The following SNAP91 variants were observed in gnomAD, a reference collection of about 807,000 sequenced individuals.
SNAP91 encodes the protein synaptosome associated protein 91.
Under a neutral mutation model 100.3 loss-of-function variants are expected in SNAP91, and 27 were observed. The observed-to-expected ratio is 0.27, with a 90% confidence interval of 0.20 to 0.37. The LOEUF is 0.37. Among genes scored for constraint, SNAP91 ranks in the 10% least tolerant of loss-of-function variants. The pLI, the probability that SNAP91 is intolerant of heterozygous loss-of-function variation, is 1.00. For synonymous variants in SNAP91, 404 were observed against 398.6 expected (o/e 1.01, Z -0.16); for missense variants, 986 against 1,123.7 (o/e 0.88, Z 1.75).
chr6:83,590,653 G>GA (rs1328182185), intron 22 of SNAP91, among the ~76,000 whole-genome samples: 1 of 151,986 alleles, frequency 6.6e-6, no homozygotes, highest in Non-Finnish European at 1.5e-5. Flanking sequence ...CATATATTAC[G>GA]AAATCTATTT....
intron 28 of SNAP91, among the ~76,000 whole-genome samples, chr6:83,559,785 A>G (rs1450864246): frequency 6.6e-6 from 1 of 152,236 alleles, no homozygotes; most frequent in African/African-American, 2.4e-5. Flanking sequence ...CGCTGGGAAC[A>G]CATACTAAAA....
chr6:83,688,504 C>CTT (rs1386310059), intron 2 of SNAP91, among the ~76,000 whole-genome samples: 2,284 of 131,284 alleles, frequency 0.017, 61 homozygotes, highest in East Asian at 0.048. Flanking sequence ...CCAAACATCA[C>CTT]TTTTTTTTTT....
intron 14 of SNAP91, among the ~76,000 whole-genome samples, chr6:83,604,715 G>A (rs1394121198): frequency 6.6e-6 from 1 of 152,120 alleles, no homozygotes; most frequent in African/African-American, 2.4e-5. Context: ...ATCTCTGTAT[G>A]GGAGAAAAGA....
At chr6:83,569,720 A>G (rs544418250) in intron 26 of SNAP91, among the ~76,000 whole-genome samples, 3 of 152,086 alleles carry the variant, frequency 2.0e-5, no homozygotes, top group Non-Finnish European at 4.4e-5. Context: ...TCATGGGGGC[A>G]GGTCTTTCCC....
At chr6:83,636,414 G>A (rs984435315) in intron 8 of SNAP91, among the ~76,000 whole-genome samples, 1 of 152,018 alleles carries the variant, frequency 6.6e-6, no homozygotes, top group African/African-American at 2.4e-5. Flanking sequence ...CAAAGGACTC[G>A]TCTTCAAGCT....
At chr6:83,584,803 C>T (rs977107139) in intron 22 of SNAP91, among the ~76,000 whole-genome samples, 2 of 151,998 alleles carry the variant, frequency 1.3e-5, no homozygotes, top group Admixed American at 6.6e-5. Context: ...AAGCAAATGG[C>T]AGATCCAGGA....
At chr6:83,573,305 CACAA>C (rs1554202247) in intron 26 of SNAP91, among the ~76,000 whole-genome samples, 1 of 152,026 alleles carries the variant, frequency 6.6e-6, no homozygotes, top group Non-Finnish European at 1.5e-5. Context: ...TGAAAGAGGA[CACAA>C]ACAAATGGAA....
At chr6:83,570,114 G>GGT (rs1804168427) in intron 26 of SNAP91, among the ~76,000 whole-genome samples, 1 of 152,058 alleles carries the variant, frequency 6.6e-6, no homozygotes, top group Admixed American at 6.6e-5. Flanking sequence ...TGTGGGCTGC[G>GGT]GTGGTCTCAG....
intron 8 of SNAP91, among the ~76,000 whole-genome samples, chr6:83,628,245 A>ATATATATC (rs2097047994): frequency 1.4e-5 from 2 of 138,072 alleles, no homozygotes; most frequent in Non-Finnish European, 3.2e-5. Flanking sequence ...ATATATATAT[A>ATATATATC]TCACAGTTTA....
intron 8 of SNAP91, among the ~76,000 whole-genome samples, chr6:83,627,230 G>A (rs781771445): frequency 1.3e-5 from 2 of 152,076 alleles, no homozygotes; most frequent in Non-Finnish European, 2.9e-5. Flanking sequence ...ACTTTTTGAT[G>A]TGCTGCTAGA....
At chr6:83,605,874 C>G in intron 13 of SNAP91, 71 bp from the exon 14 acceptor site, 1 of 1,200,186 alleles carries the variant, frequency 8.3e-7, no homozygotes, top group Non-Finnish European at 1.2e-6. Context: ...TGAATAAAGA[C>G]ATGCAGAAAT....
chr6:83,702,485 A>G (rs1367760002), intron 2 of SNAP91, among the ~76,000 whole-genome samples: 2 of 152,218 alleles, frequency 1.3e-5, no homozygotes, highest in South Asian at 2.1e-4. Flanking sequence ...ACCATTTATT[A>G]AACATTACAA....
intron 7 of SNAP91, among the ~76,000 whole-genome samples, chr6:83,643,456 C>G (rs1361426568): frequency 2.0e-5 from 3 of 152,100 alleles, no homozygotes; most frequent in Non-Finnish European, 4.4e-5. Context: ...AATCCTTTTC[C>G]CATTTCTTGT....
At chr6:83,564,928 C>T (rs548486305) in intron 26 of SNAP91, among the ~76,000 whole-genome samples, 137 of 151,252 alleles carry the variant, frequency 9.1e-4, no homozygotes, top group Non-Finnish European at 1.4e-3. Context: ...AAATTAAGAA[C>T]TTTTGTGCAT....
intron 6 of SNAP91, among the ~76,000 whole-genome samples, chr6:83,657,394 T>G (rs2098434851): frequency 6.6e-6 from 1 of 152,222 alleles, no homozygotes; most frequent in Non-Finnish European, 1.5e-5. Context: ...CTCAATCCTT[T>G]TCTTTTTCCC....
intron 7 of SNAP91, among the ~76,000 whole-genome samples, chr6:83,655,671 T>C (rs2098384244): frequency 6.6e-6 from 1 of 152,218 alleles, no homozygotes; most frequent in Non-Finnish European, 1.5e-5. Context: ...GTGGGTGTTA[T>C]CTAATGTACC....
chr6:83,650,023 T>A (rs948705624), intron 7 of SNAP91, among the ~76,000 whole-genome samples: 5 of 152,082 alleles, frequency 3.3e-5, no homozygotes, highest in Non-Finnish European at 7.4e-5. Flanking sequence ...GTTGAAGATT[T>A]TTTTTTTTTA....
intron 2 of SNAP91, among the ~76,000 whole-genome samples, chr6:83,687,137 C>T (rs1192885030): frequency 1.3e-5 from 2 of 152,138 alleles, no homozygotes; most frequent in Non-Finnish European, 2.9e-5. Context: ...CTGATAATCT[C>T]ATACTTGGGT....
chr6:83,668,807 A>C (rs1459838615), intron 2 of SNAP91, among the ~76,000 whole-genome samples: 2 of 152,090 alleles, frequency 1.3e-5, no homozygotes, highest in Non-Finnish European at 2.9e-5. Context: ...TTAAGAGTAC[A>C]AAAGAGTCTT....
Sources: gnomAD v4.1 joint callset for allele counts (sites outside exome capture counted in the v4.1 genomes callset) on GRCh38, gnomAD v4.1.1 for gene constraint, MANE v1.5 for transcripts, NCBI Gene and HGNC (gene_info 2026-07-23, HGNC 2026-07-21) for gene names.